The following PDS5B variants were observed in gnomAD, a reference collection of about 807,000 sequenced individuals.
PDS5B encodes the protein PDS5 cohesin associated factor B.
A neutral mutation model predicts 184.1 loss-of-function variants in PDS5B; 51 were observed. That is an observed-to-expected ratio of 0.28 (90% CI 0.22 to 0.35). The LOEUF (loss-of-function observed/expected upper bound fraction) is 0.35, where lower values mean the gene tolerates loss of function less well. Among genes scored for constraint, PDS5B ranks in the 10% least tolerant of loss-of-function variants. The pLI is 1.00. For synonymous variants in PDS5B, 566 were observed against 569.2 expected, an observed-to-expected ratio of 0.99 and a Z score of 0.08; for missense variants, 1,180 against 1,723.3, an observed-to-expected ratio of 0.68 and a Z score of 5.58.
intron 1 of PDS5B, among the ~76,000 whole-genome samples, chr13:32,646,783 TTATATA>T (rs900681453): frequency 3.9e-5 from 6 of 152,164 alleles, no homozygotes; most frequent in Non-Finnish European, 7.3e-5. Context: ...TGTAGGTACT[TTATATA>T]TAAATACTTA....
At chr13:32,653,377 C>T (rs1373893914) in intron 3 of PDS5B, among the ~76,000 whole-genome samples, 3 of 152,074 alleles carry the variant, frequency 2.0e-5, no homozygotes, top group Non-Finnish European at 4.4e-5. Flanking sequence ...GAAAAAATGG[C>T]AGGCAATTTA....
At chr13:32,633,207 T>C (rs1446323468) in intron 1 of PDS5B, among the ~76,000 whole-genome samples, 1 of 152,182 alleles carries the variant, frequency 6.6e-6, no homozygotes, top group Non-Finnish European at 1.5e-5. Context: ...TCTTTCTGTT[T>C]TGGGTGATGA....
At chr13:32,709,528 T>C (rs1240753415) in intron 18 of PDS5B, among the ~76,000 whole-genome samples, 2 of 152,226 alleles carry the variant, frequency 1.3e-5, no homozygotes, top group East Asian at 1.9e-4. Flanking sequence ...TAGACTTTTT[T>C]ACTGTCTGGT....
intron 1 of PDS5B, among the ~76,000 whole-genome samples, chr13:32,641,329 TC>T (rs1341693318): frequency 6.6e-6 from 1 of 152,144 alleles, no homozygotes; most frequent in African/African-American, 2.4e-5. Context: ...TCTGTGTTGC[TC>T]CTTTTCTGCT....
intron 17 of PDS5B, among the ~76,000 whole-genome samples, chr13:32,705,963 G>A (rs888991124): frequency 6.6e-6 from 1 of 152,052 alleles, no homozygotes; most frequent in African/African-American, 2.4e-5. Context: ...CACTGTGCCT[G>A]GGTACAGATG....
At chr13:32,624,461 A>G (rs1450513981) in intron 1 of PDS5B, among the ~76,000 whole-genome samples, 2 of 152,140 alleles carry the variant, frequency 1.3e-5, no homozygotes, top group Non-Finnish European at 2.9e-5. Flanking sequence ...TCATTAAAGT[A>G]TTTATTACTG....
chr13:32,625,228 C>T, intron 1 of PDS5B, among the ~76,000 whole-genome samples: 1 of 152,020 alleles, frequency 6.6e-6, no homozygotes, highest in East Asian at 1.9e-4. Context: ...GCGATCCTCC[C>T]ACCTGAGCCT....
At chr13:32,619,840 C>T (rs2058271204) in intron 1 of PDS5B, among the ~76,000 whole-genome samples, 1 of 152,148 alleles carries the variant, frequency 6.6e-6, no homozygotes, top group African/African-American at 2.4e-5. Context: ...CTCTTGTCCT[C>T]TAGGCTGGAG....
chr13:32,738,206 G>T (rs1417808681), intron 21 of PDS5B, among the ~76,000 whole-genome samples: 1 of 152,108 alleles, frequency 6.6e-6, no homozygotes, highest in Non-Finnish European at 1.5e-5. Context: ...TGCTACATAT[G>T]AGCAAGAATT....
chr13:32,735,426 C>T (rs17516382), intron 21 of PDS5B, 96 bp downstream of exon 21: 3 of 757,574 alleles, frequency 4.0e-6, no homozygotes, highest in African/African-American at 3.6e-5. Flanking sequence ...ATAATACTTC[C>T]ATTTGACTGC....
At chr13:32,625,710 A>G (rs2058360355) in intron 1 of PDS5B, among the ~76,000 whole-genome samples, 1 of 152,070 alleles carries the variant, frequency 6.6e-6, no homozygotes, top group Admixed American at 6.6e-5. Flanking sequence ...CACAAGAAGC[A>G]TATTGTTTAA....
intron 1 of PDS5B, among the ~76,000 whole-genome samples, chr13:32,592,418 G>T (rs2057791519): frequency 6.6e-6 from 1 of 152,060 alleles, no homozygotes; most frequent in Non-Finnish European, 1.5e-5. Flanking sequence ...ACCACGTCTG[G>T]CTAATTTTTT....
intron 1 of PDS5B, among the ~76,000 whole-genome samples, chr13:32,632,847 C>T (rs754884061): frequency 2.4e-4 from 37 of 151,960 alleles, no homozygotes; most frequent in Admixed American, 1.8e-3. Context: ...CTCACATCTG[C>T]AATCCCAGCA....
intron 1 of PDS5B, among the ~76,000 whole-genome samples, chr13:32,629,829 C>T (rs967478054): frequency 3.9e-5 from 6 of 152,046 alleles, no homozygotes; most frequent in African/African-American, 9.7e-5. Context: ...GCAAAATCAG[C>T]GAATTTCTCT....
intron 23 of PDS5B, among the ~76,000 whole-genome samples, chr13:32,743,257 C>G (rs1016521977): frequency 6.6e-6 from 1 of 152,204 alleles, no homozygotes; most frequent in African/African-American, 2.4e-5. Flanking sequence ...GGTTCCACCA[C>G]TTACTAGTCA....
chr13:32,750,271 AT>A, intron 24 of PDS5B, among the ~76,000 whole-genome samples: 2 of 152,312 alleles, frequency 1.3e-5, no homozygotes, highest in East Asian at 3.9e-4. Flanking sequence ...ATCCTGAATG[AT>A]TAGTCAGAGA....
chr13:32,676,632 C>T (rs928125772), intron 9 of PDS5B, among the ~76,000 whole-genome samples: 1 of 152,046 alleles, frequency 6.6e-6, no homozygotes, highest in African/African-American at 2.4e-5. Flanking sequence ...GCAGTTAAGT[C>T]ATAAACAAAC....
rs762471686 is a variant in PDS5B at position 32,770,507 on chromosome 13, G to T, written c.4011G>T (p.Thr1337=). 78 of 1,610,218 alleles carry T rather than the reference G, an allele frequency of 4.8e-5. No individual in the cohort carries two copies. The highest frequency in any genetic ancestry group is 6.4e-5 in the Non-Finnish European group (76 of 1,179,132). ...EEEEERQSGN[T]EQKSKSKQHR... is the part of the protein sequence containing the mutation. The stretch of plus-strand genomic sequence containing the variant: ...AAGAAGAAAGACAAAGTGGAAATAC[G>T]GAACAGAAGTCCAAAAGCAAACAGC... Residue 1337 remains threonine, a synonymous_variant, in exon 32 of 35, where the codon ACG becomes ACT. Coordinates refer to ENST00000315596, the MANE Select transcript of PDS5B (RefSeq NM_015032.4).
chr13:32,626,680 T>TA (rs1336505947), intron 1 of PDS5B, among the ~76,000 whole-genome samples: 4 of 152,166 alleles, frequency 2.6e-5, no homozygotes, highest in Non-Finnish European at 4.4e-5. Context: ...TTGTGCAACT[T>TA]ACATCTATTG....
Sources: gnomAD v4.1 joint callset for allele counts (sites outside exome capture counted in the v4.1 genomes callset) on GRCh38, gnomAD v4.1.1 for gene constraint, MANE v1.5 for transcripts, NCBI Gene and HGNC (gene_info 2026-07-23, HGNC 2026-07-21) for gene names.